Variants in MAST4 observed in about 807,000 individuals in gnomAD.
MAST4 encodes the protein microtubule-associated serine/threonine-protein kinase 4.
MAST4 carries 89 observed loss-of-function variants against 162.7 expected under a neutral mutation model. The observed-to-expected ratio is 0.55, with a 90% CI of 0.46 to 0.65. MAST4 has a LOEUF of 0.65. MAST4 is among the 30% of genes least tolerant of loss of function. The pLI is 0.00. For synonymous variants in MAST4, 1,479 were observed against 1,361.1 expected (o/e 1.09, Z -1.91); for missense variants, 3,153 against 3,374.0 (o/e 0.93, Z 1.62).
intron 3 of MAST4, among the ~76,000 whole-genome samples, chr5:66,873,568 A>G (rs775549364): frequency 2.0e-5 from 3 of 152,222 alleles, no homozygotes; most frequent in African/African-American, 4.8e-5. Flanking sequence ...TACAATGGCA[A>G]TATGATATGG....
chr5:66,915,815 C>T (rs1363452853), intron 4 of MAST4, among the ~76,000 whole-genome samples: 1 of 152,192 alleles, frequency 6.6e-6, no homozygotes, highest in African/African-American at 2.4e-5. Flanking sequence ...TCCTTCCTGG[C>T]TCACCCCTTA....
Position 67,162,663 on chromosome 5 carries a change from G to A in MAST4, c.3842G>A (p.Ser1281Asn). The change falls in exon 28 of 29, where the codon AGC becomes AAC. Residue 1281 changes from serine to asparagine, a missense_variant. Physicochemically the swap from Ser to Asn is conservative, Grantham distance 46. Transcript: ENST00000403625. Reference sequence around the variant, plus strand: ...CAGCCTTCTCCTTTACTCCACACCAGCCGAAGTTTCTCCTGCTTGAACAGA... The same window carrying A: ...CAGCCTTCTCCTTTACTCCACACCAACCGAAGTTTCTCCTGCTTGAACAGA... ...AKQPSPLLHT[S>N]RSFSCLNRSL... 1 of 1,613,888 alleles carries A rather than the reference G, an allele frequency of 6.2e-7. No homozygotes were observed. Among genetic ancestry groups the A allele is most frequent in the Non-Finnish European group, 8.5e-7 (1 of 1,179,868 alleles).
intron 1 of MAST4, among the ~76,000 whole-genome samples, chr5:66,730,307 G>A (rs1751762469): frequency 6.6e-6 from 1 of 152,016 alleles, no homozygotes; most frequent in Admixed American, 6.6e-5. Flanking sequence ...TCTTTTTTTA[G>A]AGGCCAAATG....
At chr5:66,860,597 A>G (rs1760028883) in intron 3 of MAST4, among the ~76,000 whole-genome samples, 1 of 144,894 alleles carries the variant, frequency 6.9e-6, no homozygotes, top group African/African-American at 2.6e-5. Flanking sequence ...CTTGGCAAAG[A>G]TCACCTTTTT....
intron 17 of MAST4, among the ~76,000 whole-genome samples, chr5:67,133,956 G>A (rs1253898885): frequency 1.3e-5 from 2 of 152,302 alleles, no homozygotes; most frequent in East Asian, 3.9e-4. Flanking sequence ...AGGAGTCTCA[G>A]TAGAGTACTT....
intron 4 of MAST4, among the ~76,000 whole-genome samples, chr5:66,958,548 G>C (rs1228414505): frequency 6.6e-6 from 1 of 152,204 alleles, no homozygotes; most frequent in African/African-American, 2.4e-5. Context: ...TGCATTTCCA[G>C]TTGGTAGTTT....
chr5:66,692,475 G>A (rs1477421280), intron 1 of MAST4, among the ~76,000 whole-genome samples: 1 of 151,046 alleles, frequency 6.6e-6, no homozygotes, highest in Admixed American at 6.6e-5. Flanking sequence ...CTAGCTAGGG[G>A]AATAGCCCAT....
intron 2 of MAST4, among the ~76,000 whole-genome samples, chr5:66,788,446 C>T (rs1755218257): frequency 6.6e-6 from 1 of 152,174 alleles, no homozygotes; most frequent in Admixed American, 6.5e-5. Context: ...AGGCTACACT[C>T]ATGCAGGAGA....
intron 1 of MAST4, among the ~76,000 whole-genome samples, chr5:66,735,488 G>GGAAGA (rs1752102890): frequency 6.6e-6 from 1 of 152,148 alleles, no homozygotes; most frequent in Non-Finnish European, 1.5e-5. Flanking sequence ...TCAACTACTT[G>GGAAGA]GAAGAGAGGC....
At chr5:66,762,439 G>T (rs1322315699) in intron 2 of MAST4, among the ~76,000 whole-genome samples, 1 of 152,152 alleles carries the variant, frequency 6.6e-6, no homozygotes, top group Non-Finnish European at 1.5e-5. Context: ...ATAACTAATT[G>T]AATTTGGGGG....
At chr5:66,991,088 T>C (rs1362338810) in intron 4 of MAST4, among the ~76,000 whole-genome samples, 1 of 152,192 alleles carries the variant, frequency 6.6e-6, no homozygotes. Flanking sequence ...GAAGGGATGT[T>C]ACAGAGACTA....
chr5:67,013,038 C>T (rs549389073), intron 4 of MAST4, among the ~76,000 whole-genome samples: 1 of 152,180 alleles, frequency 6.6e-6, no homozygotes, highest in African/African-American at 2.4e-5. Flanking sequence ...CACCCCATTG[C>T]TTACTTTATT....
At chr5:67,059,407 G>T (rs1436998481) in intron 5 of MAST4, among the ~76,000 whole-genome samples, 1 of 152,152 alleles carries the variant, frequency 6.6e-6, no homozygotes, top group African/African-American at 2.4e-5. Context: ...ATTCATTTTT[G>T]ATTGAATAAC....
chr5:66,965,530 C>T (rs552271780), intron 4 of MAST4, among the ~76,000 whole-genome samples: 5 of 123,028 alleles, frequency 4.1e-5, no homozygotes, highest in South Asian at 5.4e-4. Context: ...GAACTGGTTG[C>T]GTTTGAGCTG....
intron 4 of MAST4, among the ~76,000 whole-genome samples, chr5:66,999,688 TG>T (rs992749765): frequency 2.4e-4 from 36 of 151,964 alleles, no homozygotes; most frequent in Middle Eastern, 6.8e-3. Context: ...TCCTTTGTTT[TG>T]GGTTTTTTTT....
At chr5:66,969,200 T>C (rs1581052607) in intron 4 of MAST4, among the ~76,000 whole-genome samples, 1 of 152,150 alleles carries the variant, frequency 6.6e-6, no homozygotes, top group Non-Finnish European at 1.5e-5. Context: ...CTGCGGCACC[T>C]TTTAGAGCTG....
At chr5:66,613,648 T>C (rs1743446151) in intron 1 of MAST4, among the ~76,000 whole-genome samples, 1 of 152,126 alleles carries the variant, frequency 6.6e-6, no homozygotes, top group Non-Finnish European at 1.5e-5. Flanking sequence ...TGTGTGGACT[T>C]GCTGTTTGGC....
intron 1 of MAST4, among the ~76,000 whole-genome samples, chr5:66,697,729 A>T (rs1749496503): frequency 6.6e-6 from 1 of 152,192 alleles, no homozygotes; most frequent in Non-Finnish European, 1.5e-5. Flanking sequence ...TTTTTAAATG[A>T]ATTATTATTT....
Position 67,078,919 on chromosome 5 carries a change from T to TATATATAATATATATATATATATA in MAST4, c.764-11236_764-11235insATATATATATATATATAATATATA, listed in dbSNP as rs1762199308. ...TTATATATTTTTATATAAATATATATATATATATATATATATATATATATA... is the reference window on the plus strand; with the variant it reads ...TTATATATTTTTATATAAATATATATATATATAATATATATATATATATAATATATATATATATATATATATATA... On this transcript the variant is annotated intron_variant, in intron 5 of 28. Transcript: ENST00000403625. Among the ~76,000 whole-genome samples, 5 of 65,874 alleles carry TATATATAATATATATATATATATA rather than the reference T, an allele frequency of 7.6e-5. 1 individual carries two copies. The highest frequency in any genetic ancestry group is 4.0e-4 in the African/African-American group (5 of 12,382). The allele number at this position is 65,874 out of a possible 152,430, so 43.2% of individuals were successfully genotyped here.
Sources: allele counts gnomAD v4.1 joint callset (sites outside exome capture counted in the v4.1 genomes callset), GRCh38; gene constraint gnomAD v4.1.1; transcripts MANE v1.5; gene names NCBI Gene and HGNC (gene_info 2026-07-23, HGNC 2026-07-21).